Variants in WDR43 observed in about 807,000 individuals in gnomAD.
WDR43 encodes WD repeat domain 43, also known as WD repeat-containing protein 43.
Under a neutral mutation model 91.4 loss-of-function variants are expected in WDR43, and 13 were observed. That is an observed-to-expected ratio of 0.14 (90% CI 0.09 to 0.23). WDR43 has a LOEUF of 0.23. WDR43 is among the 10% of genes least tolerant of loss of function. The pLI, the probability that WDR43 is intolerant of heterozygous loss-of-function variation, is 1.00. For missense variants in WDR43, 780 were observed against 809.4 expected (o/e 0.96, Z 0.44); for synonymous variants, 331 against 287.9 (o/e 1.15, Z -1.51).
At position 28,914,085 on chromosome 2, in the gene WDR43, C is replaced by G; in HGVS notation, c.623C>G (p.Ala208Gly). 2 of 1,613,736 alleles carry G rather than the reference C, an allele frequency of 1.2e-6. No homozygotes were observed. The highest frequency in any genetic ancestry group is 8.5e-7 in the Non-Finnish European group (1 of 1,179,826). ...KEVYRHFTGH[A>G]TPVSSLMFTT... ...TTTCTCTAGCATTTCACAGGACATGCAACGCCAGTTTCGTCACTGATGTTC... is the reference window on the plus strand; with the variant it reads ...TTTCTCTAGCATTTCACAGGACATGGAACGCCAGTTTCGTCACTGATGTTC... The change falls in exon 5 of 18, where the codon GCA (alanine) becomes GGA (glycine). Residue 208 changes from alanine to glycine, a missense_variant. By Grantham distance (60) the Ala-to-Gly change is moderately conservative (BLOSUM62 0). Coordinates refer to ENST00000407426, the MANE Select transcript of WDR43 (RefSeq NM_015131.3).
At chr2:28,921,992 G>T (rs1276516501) in intron 6 of WDR43, among the ~76,000 whole-genome samples, 1 of 152,196 alleles carries the variant, frequency 6.6e-6, no homozygotes, top group Non-Finnish European at 1.5e-5. Context: ...TTACAGGCCT[G>T]AGCCACTGTG....
chr2:28,924,891 G>A, intron 7 of WDR43, 91 bp from the exon 8 acceptor site: 1 of 1,464,276 alleles, frequency 6.8e-7, no homozygotes, highest in South Asian at 1.3e-5. Context: ...GCTAGAGGGG[G>A]GTCACATTTC....
chr2:28,899,226 A>C (rs925113698), intron 1 of WDR43, among the ~76,000 whole-genome samples: 1 of 152,212 alleles, frequency 6.6e-6, no homozygotes, highest in East Asian at 1.9e-4. Flanking sequence ...TTATCTGTAT[A>C]ATCTGTGCTG....
chr2:28,935,706 G>A lies in WDR43; in HGVS notation c.1524+99G>A, dbSNP rs57458615. The stretch of plus-strand genomic sequence containing the variant: ...GGATTTGTAATACGTAAGGACACAT[G>A]GCATTTAGAGTGAGTAATGGATGGA... On this transcript the variant is annotated intron_variant, in intron 12 of 17. Transcript: ENST00000407426. The A allele has an allele frequency of 2.6e-4, 153 of 593,392 alleles. No individual in the cohort carries two copies. In the African/African-American group the frequency reaches 2.8e-3, roughly 11 times the overall value. The allele number at this position is 593,392 out of a possible 1,614,324, so 36.8% of individuals were successfully genotyped here.
At chr2:28,942,052 A>G (rs1286102228) in intron 15 of WDR43, among the ~76,000 whole-genome samples, 1 of 152,162 alleles carries the variant, frequency 6.6e-6, no homozygotes, top group Non-Finnish European at 1.5e-5. Flanking sequence ...TACAGTTAGT[A>G]AGTTATAGGA....
chr2:28,928,180 T>C (rs1484028922), intron 10 of WDR43: 1 of 152,418 alleles, frequency 6.6e-6, no homozygotes, highest in African/African-American at 2.4e-5. Flanking sequence ...TGTACATGTC[T>C]GTGCAGAGTT....
intron 11 of WDR43, among the ~76,000 whole-genome samples, chr2:28,930,414 C>T (rs950768441): frequency 3.9e-5 from 6 of 152,152 alleles, no homozygotes; most frequent in Admixed American, 2.0e-4. Context: ...TGCATTTATT[C>T]TTAATGACTC....
rs569005791 is a variant in WDR43 at position 28,918,176 on chromosome 2, A to T, written c.849+181A>T. Among the ~76,000 whole-genome samples, 276 of 152,164 alleles carry T rather than the reference A, an allele frequency of 1.8e-3. 1 individual carries two copies. The highest frequency in any genetic ancestry group is 2.9e-4 in the Non-Finnish European group (20 of 67,992). ...TCACTGTAATAATCTCTTATGGGGG[A>T]AGGGAAAAGTTTGTACAGGACGGTA... On this transcript the variant is annotated intron_variant, in intron 6 of 17. Coordinates refer to ENST00000407426, the MANE Select transcript of WDR43 (RefSeq NM_015131.3).
chr2:28,942,449 T>C (rs1391676142), intron 16 of WDR43, 68 bp downstream of exon 16: 2 of 1,519,680 alleles, frequency 1.3e-6, no homozygotes, highest in Non-Finnish European at 1.8e-6. Context: ...TGAGTTCTGT[T>C]ATCTTTTTGA....
At chr2:28,944,399 T>TA (rs1381746614) in intron 16 of WDR43, among the ~76,000 whole-genome samples, 3 of 152,208 alleles carry the variant, frequency 2.0e-5, no homozygotes, top group African/African-American at 7.2e-5. Flanking sequence ...TTTTCCCACA[T>TA]AAACAAAAAC....
chr2:28,894,730 C>T lies in WDR43; in HGVS notation c.32C>T (p.Pro11Leu), dbSNP rs760019842. The change falls in exon 1 of 18, where the codon CCC becomes CTC. Residue 11 changes from proline (P) to leucine (L), a missense_variant. Around this residue, in one of 4 missense-constraint regions of WDR43, gnomAD observed 175 missense variants for 113.8 expected, o/e 1.54. Coordinates refer to ENST00000407426, the MANE Select transcript of WDR43 (RefSeq NM_015131.3). MAAGGGGSCD[P>L]LAPAGVPCAF... is the part of the protein sequence containing the mutation. ...GCGGGCGGCGGCGGTAGCTGCGACC[C>T]CCTGGCCCCTGCTGGGGTCCCTTGC... 3 of 1,579,998 alleles carry T rather than the reference C, an allele frequency of 1.9e-6. No individual in the cohort carries two copies. Among genetic ancestry groups the T allele is most frequent in the Non-Finnish European group, 2.6e-6 (3 of 1,164,164 alleles).
intron 2 of WDR43, among the ~76,000 whole-genome samples, chr2:28,904,028 C>T (rs1670627955): frequency 6.6e-6 from 1 of 152,118 alleles, no homozygotes; most frequent in African/African-American, 2.4e-5. Flanking sequence ...TGGTGTCGAA[C>T]TCCTGGCCTC....
At chr2:28,945,100 A>C (rs1671521622) in intron 16 of WDR43, among the ~76,000 whole-genome samples, 1 of 152,250 alleles carries the variant, frequency 6.6e-6, no homozygotes, top group Non-Finnish European at 1.5e-5. Flanking sequence ...AGCATACTGG[A>C]GAATGAGAAG....
Position 28,894,851 on chromosome 2 carries a change from G to C in WDR43, c.153G>C (p.Glu51Asp), listed in dbSNP as rs958623484. 6 of 1,610,854 alleles carry C rather than the reference G, an allele frequency of 3.7e-6. No homozygotes were observed. The highest frequency in any genetic ancestry group is 5.1e-6 in the Non-Finnish European group (6 of 1,178,772). Residue 51 changes from glutamate (E) to aspartate (D), a missense_variant, in exon 1 of 18, where the codon GAG becomes GAC. Physicochemically the swap from Glu to Asp is conservative, Grantham distance 45. Around this residue, in one of 4 missense-constraint regions of WDR43, gnomAD observed 175 missense variants for 113.8 expected, o/e 1.54. Transcript: ENST00000407426. ...CGGCCAACAACCGGCTGCACCAGGAGTACGTGCCTTCCGCGCACCTCAGTG... is the reference window on the plus strand; with the variant it reads ...CGGCCAACAACCGGCTGCACCAGGACTACGTGCCTTCCGCGCACCTCAGTG... ...WETANNRLHQ[E>D]YVPSAHLSGT... is the part of the protein sequence containing the mutation.
At chr2:28,943,168 G>C (rs1323916298) in intron 16 of WDR43, among the ~76,000 whole-genome samples, 1 of 152,044 alleles carries the variant, frequency 6.6e-6, no homozygotes, top group African/African-American at 2.4e-5. Flanking sequence ...GACTCTCTCT[G>C]TTGCTCAGGC....
Position 28,935,457 on chromosome 2 carries a change from T to C in WDR43, c.1438-64T>C, listed in dbSNP as rs1413563677. On this transcript the variant is annotated intron_variant, in intron 11 of 17. Coordinates refer to ENST00000407426, the MANE Select transcript of WDR43 (RefSeq NM_015131.3). ...AAGGATTCATTTTTACAGACTTTTT[T>C]TTTTCTGTGATGTCCTTGGTTTGTC... is the stretch of plus-strand genomic sequence containing the variant. The C allele has an allele frequency of 4.3e-5, 51 of 1,191,384 alleles. 1 individual carries two copies. Among genetic ancestry groups the C allele is most frequent in the Non-Finnish European group, 5.7e-5 (48 of 836,492 alleles). The allele number at this position is 1,191,384 out of a possible 1,614,324, so 73.8% of individuals were successfully genotyped here.
chr2:28,940,349 C>T (rs1671413571), intron 14 of WDR43, among the ~76,000 whole-genome samples: 1 of 152,048 alleles, frequency 6.6e-6, no homozygotes, highest in South Asian at 2.1e-4. Flanking sequence ...CCTTCCTCAG[C>T]CTCCCGAGTA....
intron 1 of WDR43, among the ~76,000 whole-genome samples, chr2:28,896,254 C>T (rs893080738): frequency 1.3e-5 from 2 of 152,114 alleles, no homozygotes; most frequent in Non-Finnish European, 2.9e-5. Flanking sequence ...TGGACCCAAG[C>T]TGGCTATATT....
At chr2:28,941,397 C>A in intron 14 of WDR43, 64 bp from the exon 15 acceptor site, 2 of 1,264,514 alleles carry the variant, frequency 1.6e-6, no homozygotes, top group Non-Finnish European at 2.2e-6. Flanking sequence ...CATAGCTGAG[C>A]ATGATTTGCG....
Sources: gnomAD v4.1 joint callset for allele counts (sites outside exome capture counted in the v4.1 genomes callset) on GRCh38, gnomAD v4.1.1 for gene constraint, gnomAD v4.1.1 regional missense constraint, MANE v1.5 for transcripts, NCBI Gene and HGNC (gene_info 2026-07-23, HGNC 2026-07-21) for gene names.